The following ADGRD1 variants were observed in gnomAD, a reference collection of about 807,000 sequenced individuals.
ADGRD1 encodes the protein adhesion G protein-coupled receptor D1, also known as G-protein coupled receptor 133.
ADGRD1 carries 77 observed loss-of-function variants against 113.4 expected under a neutral mutation model. The ratio of observed to expected loss-of-function variants is 0.68; its 90% confidence interval spans 0.57 to 0.82. ADGRD1 has a LOEUF of 0.82. ADGRD1 is among the 40% of genes least tolerant of loss of function. ADGRD1 has a pLI of 0.00. For missense variants in ADGRD1, 1,036 were observed against 1,139.1 expected (o/e 0.91, Z 1.30); for synonymous variants, 474 against 475.0 (o/e 1.00, Z 0.03).
intron 15 of ADGRD1, among the ~76,000 whole-genome samples, chr12:131,100,726 C>CAGTAG (rs1950049406): frequency 6.6e-6 from 1 of 152,128 alleles, no homozygotes; most frequent in African/African-American, 2.4e-5. Context: ...CAGAAACTCC[C>CAGTAG]AGTAGAATGG....
At chr12:131,127,848 C>A (rs1950781788) in intron 20 of ADGRD1, among the ~76,000 whole-genome samples, 1 of 129,276 alleles carries the variant, frequency 7.7e-6, no homozygotes, top group African/African-American at 3.2e-5. Flanking sequence ...GGATTCTGAG[C>A]TCAGGTGGGG....
rs534166565 is a variant in ADGRD1 at position 131,041,329 on chromosome 12, G to A, written c.1473+26989G>A. On this transcript the variant is annotated intron_variant, in intron 13 of 24. Coordinates refer to ENST00000261654, the MANE Select transcript of ADGRD1 (RefSeq NM_198827.5). The surrounding 1 kb of genome is among the most constrained non-coding windows in gnomAD (Gnocchi z 4.4). ...CTGCAGAGGATACCAGCCCTGGAAGGAGGAAGTTGTCTGGGGAGAAGAAGA... is the reference window on the plus strand; with the variant it reads ...CTGCAGAGGATACCAGCCCTGGAAGAAGGAAGTTGTCTGGGGAGAAGAAGA... Among the ~76,000 whole-genome samples, 1 of 152,322 alleles carries A rather than the reference G, an allele frequency of 6.6e-6. No homozygotes were observed. The highest frequency in any genetic ancestry group is 1.9e-4 in the East Asian group (1 of 5,182).
chr12:131,087,061 A>G (rs1389609504), intron 15 of ADGRD1, among the ~76,000 whole-genome samples: 2 of 152,034 alleles, frequency 1.3e-5, no homozygotes, highest in Non-Finnish European at 2.9e-5. Context: ...ACATGCCACA[A>G]CGCCTGGCTA....
intron 5 of ADGRD1, among the ~76,000 whole-genome samples, chr12:130,982,344 C>G (rs1239853524): frequency 6.6e-6 from 1 of 152,224 alleles, no homozygotes; most frequent in Non-Finnish European, 1.5e-5. Context: ...TCAGTGATCA[C>G]ACCTGTGATG....
intron 13 of ADGRD1, among the ~76,000 whole-genome samples, chr12:131,049,668 G>A (rs1883186293): frequency 6.6e-6 from 1 of 152,206 alleles, no homozygotes; most frequent in Admixed American, 6.5e-5. Flanking sequence ...ATAACCATGT[G>A]CTTTCAAGTG....
At chr12:130,961,023 A>G (rs914175306) in intron 2 of ADGRD1, among the ~76,000 whole-genome samples, 8 of 152,210 alleles carry the variant, frequency 5.3e-5, no homozygotes, top group African/African-American at 1.4e-4. Context: ...GGATGGAGCC[A>G]CGAAGCCAGC....
At position 130,954,882 on chromosome 12, in the gene ADGRD1, C is replaced by A. The variant is rs1395101752; in HGVS notation, c.103+222C>A. 2.0e-5 allele frequency among the ~76,000 whole-genome samples: 3 copies of A among 150,472 alleles called. No homozygotes were observed. Among genetic ancestry groups the A allele is most frequent in the Admixed American group, 1.3e-4 (2 of 15,010 alleles). The stretch of plus-strand genomic sequence containing the variant: ...GAGAAGTGGTTCTGGGCCCCTTGAG[C>A]TGGGTCATATGAAACATTGTGATTA... On this transcript the variant is annotated intron_variant, in intron 2 of 24. Transcript: ENST00000261654. This position sits in a 1 kb window ranked among gnomAD's most constrained non-coding sequence, Gnocchi z 4.7.
In ADGRD1 at chr12:131,104,946, T is replaced by C; in HGVS notation, c.1775+12T>C. 6.5e-7 allele frequency: 1 copy of C among 1,529,606 alleles called. No individual in the cohort carries two copies. The highest frequency in any genetic ancestry group is 2.0e-5 in the Admixed American group (1 of 50,744). 94.8% of individuals were successfully genotyped at this position (1,529,606 alleles called of 1,614,324 possible). A position where few individuals can be genotyped will look rare whatever the true frequency, so the allele number is the denominator to read the frequency against. On this transcript the variant is annotated intron_variant, in intron 16 of 24. Coordinates refer to ENST00000261654, the MANE Select transcript of ADGRD1 (RefSeq NM_198827.5). ...TTCGCCGTGCTGTCGTGAGTCCCCT[T>C]TTCTAATCCACCCAACAGTCTCTCG...
intron 14 of ADGRD1, among the ~76,000 whole-genome samples, chr12:131,082,178 G>A (rs191178288): frequency 9.2e-4 from 140 of 152,146 alleles, no homozygotes; most frequent in African/African-American, 3.3e-3. Flanking sequence ...TTGTTTCTGT[G>A]TTTTGCCTGT....
chr12:131,024,131 A>G (rs899351476), intron 13 of ADGRD1: 1 of 152,260 alleles, frequency 6.6e-6, no homozygotes, highest in Non-Finnish European at 1.5e-5. Context: ...GGCAAAGCCT[A>G]GAATTAGCCA....
chr12:131,017,881 A>G (rs1473556830), intron 13 of ADGRD1, among the ~76,000 whole-genome samples: 1 of 150,126 alleles, frequency 6.7e-6, no homozygotes, highest in Non-Finnish European at 1.5e-5. Context: ...TAGTATACAC[A>G]CAGCCAGCAC....
chr12:131,122,330 C>T (rs537255021), intron 20 of ADGRD1, among the ~76,000 whole-genome samples: 1 of 152,266 alleles, frequency 6.6e-6, no homozygotes, highest in South Asian at 2.1e-4. Context: ...GCTGGTTTTT[C>T]TTTCAGTGAA....
intron 17 of ADGRD1, among the ~76,000 whole-genome samples, chr12:131,106,114 G>A (rs138078809): frequency 4.6e-5 from 7 of 152,242 alleles, no homozygotes; most frequent in Middle Eastern, 3.4e-3. Flanking sequence ...CCAGCTACGC[G>A]CGAGGCACCA....
intron 20 of ADGRD1, among the ~76,000 whole-genome samples, chr12:131,126,877 T>C (rs1950748255): frequency 1.3e-5 from 2 of 152,276 alleles, no homozygotes; most frequent in African/African-American, 2.4e-5. Flanking sequence ...GGGTGTACCA[T>C]ACAGCAAGGC....
At chr12:131,095,572 C>T (rs1051904978) in intron 15 of ADGRD1, among the ~76,000 whole-genome samples, 1 of 152,058 alleles carries the variant, frequency 6.6e-6, no homozygotes, top group Non-Finnish European at 1.5e-5. Context: ...GAGGGTGGGC[C>T]GGGTGACCAG....
At chr12:131,007,204 C>T (rs1877233981) in intron 12 of ADGRD1, among the ~76,000 whole-genome samples, 1 of 152,232 alleles carries the variant, frequency 6.6e-6, no homozygotes, top group South Asian at 2.1e-4. Flanking sequence ...TTCACTGTGA[C>T]CACCAGAATC....
intron 12 of ADGRD1, among the ~76,000 whole-genome samples, chr12:131,010,357 C>T (rs1049931330): frequency 6.6e-6 from 1 of 152,232 alleles, no homozygotes; most frequent in Non-Finnish European, 1.5e-5. Flanking sequence ...CAAGGAGTTC[C>T]TTTACCAGGG....
intron 8 of ADGRD1, among the ~76,000 whole-genome samples, chr12:130,997,065 C>T (rs1273479250): frequency 4.5e-5 from 6 of 131,878 alleles, no homozygotes; most frequent in Non-Finnish European, 1.0e-4. Context: ...AGGGGCTCCT[C>T]ACTTCCCAGT....
rs1433059264 is a variant in ADGRD1 at position 130,992,156 on chromosome 12, C to T, written c.811-81C>T. On this transcript the variant is annotated intron_variant, in intron 7 of 24. Transcript: ENST00000261654. ...AAAAAAATTAAAAAAAGCATTCGAC[C>T]CAGAGTAGGACACATTAAACTTCTG... 10 of 1,046,334 alleles carry T rather than the reference C, an allele frequency of 9.6e-6. No homozygotes were observed. In the East Asian group the frequency reaches 1.2e-4, roughly 13 times the overall value. 64.8% of individuals were successfully genotyped at this position (1,046,334 alleles called of 1,614,324 possible).
Sources: gnomAD v4.1 joint callset for allele counts (sites outside exome capture counted in the v4.1 genomes callset) on GRCh38, gnomAD v4.1.1 for gene constraint, Gnocchi (gnomAD v3.1) non-coding constraint, MANE v1.5 for transcripts, NCBI Gene and HGNC (gene_info 2026-07-23, HGNC 2026-07-21) for gene names.